The following GSN variants were observed in gnomAD, a reference collection of about 807,000 sequenced individuals.
GSN encodes gelsolin.
Under a neutral mutation model 85.7 loss-of-function variants are expected in GSN, and 56 were observed. The ratio of observed to expected loss-of-function variants is 0.65; its 90% CI spans 0.53 to 0.82. GSN has a LOEUF of 0.82. Ranked by LOEUF, GSN falls within the 40% of genes least tolerant of loss-of-function variation. The pLI is 0.00. For synonymous variants in GSN, 373 were observed against 399.1 expected (o/e 0.93, Z 0.78); for missense variants, 857 against 979.8 (o/e 0.87, Z 1.67).
chr9:121,285,306 A>G, intron 2 of GSN: 1 of 167,242 alleles, frequency 6.0e-6, no homozygotes. Context: ...TTGTCTTTGG[A>G]CATAAATCTG....
chr9:121,301,834 C>T (rs2059897842), intron 2 of GSN, 129 bp from the exon 3 acceptor site: 2 of 1,476,838 alleles, frequency 1.4e-6, no homozygotes, highest in African/African-American at 2.8e-5. Flanking sequence ...GATAGACTTC[C>T]CTGGGGCGTG....
At chr9:121,242,106 A>T (rs924896523) in intron 5 of GSN, among the ~76,000 whole-genome samples, 3 of 152,186 alleles carry the variant, frequency 2.0e-5, no homozygotes, top group African/African-American at 7.2e-5. Flanking sequence ...TCTCAAAGGG[A>T]TGATACCTAC....
intron 1 of GSN, among the ~76,000 whole-genome samples, chr9:121,270,588 AC>A (rs1319023807): frequency 1.3e-5 from 2 of 151,770 alleles, no homozygotes; most frequent in South Asian, 2.1e-4. Flanking sequence ...CAGCATTGTA[AC>A]TTTTTTTTCT....
At chr9:121,222,454 T>C (rs963309010) in intron 4 of GSN, among the ~76,000 whole-genome samples, 12 of 152,190 alleles carry the variant, frequency 7.9e-5, no homozygotes, top group African/African-American at 2.9e-4. Flanking sequence ...CAAGTATATA[T>C]AGGCAATCAA....
intron 6 of GSN, among the ~76,000 whole-genome samples, chr9:121,259,379 G>A (rs919310428): frequency 1.3e-5 from 2 of 152,216 alleles, no homozygotes; most frequent in African/African-American, 4.8e-5. Flanking sequence ...GGCTGCTAAT[G>A]TAATACACCC....
chr9:121,279,665 G>T (rs934892622), intron 1 of GSN, among the ~76,000 whole-genome samples: 3 of 152,076 alleles, frequency 2.0e-5, no homozygotes. Context: ...CCGAGATGAG[G>T]TGCAGTAGGG....
At chr9:121,263,719 C>T (rs1001705048), upstream of GSN, among the ~76,000 whole-genome samples, 14 of 151,844 alleles carry the variant, frequency 9.2e-5, no homozygotes, top group African/African-American at 2.4e-4. Flanking sequence ...GGAGAAACCC[C>T]GTCTCTACTA....
At chr9:121,286,804 C>G (rs952115652) in intron 2 of GSN, 2 of 1,483,916 alleles carry the variant, frequency 1.3e-6, no homozygotes, top group East Asian at 2.5e-5. Flanking sequence ...AGTCAGACTT[C>G]GGACTTCAGA....
chr9:121,282,876 G>A (rs2057564889), intron 2 of GSN: 2 of 240,332 alleles, frequency 8.3e-6, no homozygotes, highest in Non-Finnish European at 1.7e-5. Flanking sequence ...ACCCTGCAGG[G>A]CCAGGCTGGC....
At chr9:121,263,161 A>T (rs1404303449), upstream of GSN, among the ~76,000 whole-genome samples, 1 of 151,972 alleles carries the variant, frequency 6.6e-6, no homozygotes, top group African/African-American at 2.4e-5. Flanking sequence ...GAGAAGGAAA[A>T]CCCTGATTTA....
intron 2 of GSN, chr9:121,300,174 G>A: frequency 7.7e-7 from 1 of 1,293,270 alleles, no homozygotes; most frequent in Non-Finnish European, 1.1e-6. Flanking sequence ...AGACGAGGGT[G>A]GGAGCCTCGG....
chr9:121,255,207 C>T (rs2054927542), intron 6 of GSN, among the ~76,000 whole-genome samples: 1 of 152,170 alleles, frequency 6.6e-6, no homozygotes. Flanking sequence ...CTCGGCCTCC[C>T]AAAGTGCTGG....
chr9:121,318,265 G>A lies in GSN; in HGVS notation c.887-141G>A. On this transcript the variant is annotated intron_variant, in intron 8 of 17. Coordinates refer to ENST00000432226, the MANE Select transcript of GSN (RefSeq NM_198252.3). This position sits in a 1 kb window ranked among gnomAD's most constrained non-coding sequence, Gnocchi z 4.3. ...AGCTCTAGTGAGTGGTCGGCTCTGGGGGTCTCTGGCCTTGGCTGTCCACAG... is the reference window on the plus strand; with the variant it reads ...AGCTCTAGTGAGTGGTCGGCTCTGGAGGTCTCTGGCCTTGGCTGTCCACAG... 1 of 755,896 alleles carries A rather than the reference G, an allele frequency of 1.3e-6. No homozygotes were observed. Among genetic ancestry groups the A allele is most frequent in the African/African-American group, 1.7e-5 (1 of 58,510 alleles). The allele number at this position is 755,896 out of a possible 1,614,324, so 46.8% of individuals were successfully genotyped here.
At chr9:121,268,046 A>C (rs1483250320), upstream of GSN, 1 of 151,764 alleles carries the variant, frequency 6.6e-6, no homozygotes, top group South Asian at 2.1e-4. Context: ...AGCCGACGGG[A>C]GGGCCTGGCG....
the GSN span, among the ~76,000 whole-genome samples, chr9:121,202,214 A>G: frequency 1.3e-5 from 2 of 152,234 alleles, no homozygotes; most frequent in Non-Finnish European, 2.9e-5. Flanking sequence ...AGACTTTTGA[A>G]CAATTTTTAA....
intron 2 of GSN, among the ~76,000 whole-genome samples, chr9:121,290,109 G>A (rs1393303774): frequency 6.6e-6 from 1 of 152,124 alleles, no homozygotes; most frequent in Non-Finnish European, 1.5e-5. Context: ...TTGGTGGGAT[G>A]ACCGTGGTTG....
chr9:121,294,574 T>G (rs949479582), intron 2 of GSN, among the ~76,000 whole-genome samples: 1 of 152,132 alleles, frequency 6.6e-6, no homozygotes, highest in Admixed American at 6.5e-5. Context: ...ATGGCTTTGG[T>G]CCCTGAGACA....
At chr9:121,331,353 C>G (rs2063866190) in intron 16 of GSN, 35 bp from the exon 17 acceptor site, 2 of 1,426,964 alleles carry the variant, frequency 1.4e-6, no homozygotes, top group Admixed American at 1.7e-5. Context: ...GATCAGCACT[C>G]CTCATGTACC....
chr9:121,263,947 TG>T (rs998666383), upstream of GSN, among the ~76,000 whole-genome samples: 1 of 149,780 alleles, frequency 6.7e-6, no homozygotes, highest in Non-Finnish European at 1.5e-5. Context: ...GAGAACGGCA[TG>T]GGGGAAACTG....
Sources: gnomAD v4.1 joint callset for allele counts (sites outside exome capture counted in the v4.1 genomes callset) on GRCh38, gnomAD v4.1.1 for gene constraint, Gnocchi (gnomAD v3.1) non-coding constraint, MANE v1.5 for transcripts, NCBI Gene and HGNC (gene_info 2026-07-23, HGNC 2026-07-21) for gene names.